Variants in CCDC148 observed in about 807,000 individuals in gnomAD.
CCDC148 encodes coiled-coil domain containing 148, also known as coiled-coil domain-containing protein 148.
A neutral mutation model predicts 85.7 loss-of-function variants in CCDC148; 89 were observed. That is an observed-to-expected ratio of 1.04 (90% CI 0.87 to 1.24). The LOEUF is 1.24. Ranked by LOEUF, CCDC148 falls within the 50% of genes most tolerant of loss-of-function variation. The pLI is 0.00. For missense variants in CCDC148, 692 were observed against 671.7 expected (o/e 1.03, Z -0.33); for synonymous variants, 230 against 213.9 (o/e 1.08, Z -0.66).
rs115837026 is a variant in CCDC148, at chr2:158,327,680, T to G, written c.764+11046A>C. ...TCTTTTCCTCAGAATTCTCCTAAAT[T>G]CAAATTCAGATTAATATTTTAATCC... On this transcript the variant is annotated intron_variant, in intron 7 of 13. Coordinates refer to ENST00000283233, the MANE Select transcript of CCDC148 (RefSeq NM_138803.4). Among the ~76,000 whole-genome samples the G allele has an allele frequency of 5.3e-3, 800 of 152,304 alleles. 3 individuals are homozygous for G. Among genetic ancestry groups the G allele is most frequent in the African/African-American group, 0.019 (772 of 41,572 alleles).
intron 1 of CCDC148, among the ~76,000 whole-genome samples, chr2:158,422,938 TAACA>T (rs1436583220): frequency 2.7e-5 from 4 of 150,478 alleles, no homozygotes; most frequent in South Asian, 4.2e-4. Flanking sequence ...TATACACCAA[TAACA>T]AACAGAGAGC....
intron 9 of CCDC148, among the ~76,000 whole-genome samples, chr2:158,297,599 GTTTTTAGTTGCA>G (rs1691251280): frequency 6.6e-6 from 1 of 152,176 alleles, no homozygotes; most frequent in African/African-American, 2.4e-5. Context: ...CTGTGTCAGA[GTTTTTAGTTGCA>G]CACAGCAGAA....
intron 10 of CCDC148, among the ~76,000 whole-genome samples, chr2:158,227,805 T>C (rs1368270428): frequency 6.6e-6 from 1 of 152,156 alleles, no homozygotes; most frequent in East Asian, 1.9e-4. Flanking sequence ...CAAAAATTAG[T>C]TCAAGATTGA....
chr2:158,207,398 T>C (rs1236383158), intron 11 of CCDC148: 1 of 152,226 alleles, frequency 6.6e-6, no homozygotes, highest in Non-Finnish European at 1.5e-5. Context: ...ATGCACATAA[T>C]TGTACCACTA....
intron 9 of CCDC148, among the ~76,000 whole-genome samples, chr2:158,281,058 A>G (rs1417987762): frequency 6.6e-6 from 1 of 152,222 alleles, no homozygotes; most frequent in Admixed American, 6.5e-5. Flanking sequence ...AGTCAGAAAT[A>G]AAGATGTTCT....
intron 7 of CCDC148, among the ~76,000 whole-genome samples, chr2:158,332,348 G>T (rs1693176271): frequency 6.6e-6 from 1 of 150,520 alleles, no homozygotes; most frequent in Non-Finnish European, 1.5e-5. Flanking sequence ...ACTGTCTTCT[G>T]GCTTGGAGAG....
intron 11 of CCDC148, among the ~76,000 whole-genome samples, chr2:158,210,830 G>A (rs565719900): frequency 1.3e-5 from 2 of 150,310 alleles, no homozygotes; most frequent in South Asian, 2.1e-4. Context: ...ATGGTAGCAG[G>A]TGCCCATAGT....
rs61612452 is a variant in CCDC148, at chr2:158,406,613, C to CTTTTT, written c.26-48048_26-48044dup. On this transcript the variant is annotated intron_variant, in intron 1 of 13. Coordinates refer to ENST00000283233, the MANE Select transcript of CCDC148 (RefSeq NM_138803.4). Reference sequence around the variant, plus strand: ...ACAGCCAGTTAAACAGATTAAATTTCTTTTTTTTTTTTTTTTTTTTTTTTT... The same window carrying CTTTTT: ...ACAGCCAGTTAAACAGATTAAATTTCTTTTTTTTTTTTTTTTTTTTTTTTTTTTTT... 7.9e-4 allele frequency among the ~76,000 whole-genome samples: 25 copies of CTTTTT among 31,454 alleles called. 1 individual carries two copies. Among genetic ancestry groups the CTTTTT allele is most frequent in the African/African-American group, 1.9e-3 (19 of 10,156 alleles). The allele number at this position is 31,454 out of a possible 152,430, so 20.6% of individuals were successfully genotyped here.
At chr2:158,247,038 T>C (rs1267234918) in intron 10 of CCDC148, among the ~76,000 whole-genome samples, 1 of 152,132 alleles carries the variant, frequency 6.6e-6, no homozygotes, top group African/African-American at 2.4e-5. Flanking sequence ...GCGTTTTAAA[T>C]TTCCATGGCA....
chr2:158,207,553 G>A (rs567608660), intron 11 of CCDC148: 5 of 152,274 alleles, frequency 3.3e-5, no homozygotes, highest in African/African-American at 1.2e-4. Context: ...ATTGACTTAA[G>A]ATCTGATGCA....
At chr2:158,230,267 C>T (rs953069118) in intron 10 of CCDC148, among the ~76,000 whole-genome samples, 39 of 152,292 alleles carry the variant, frequency 2.6e-4, no homozygotes, top group African/African-American at 8.9e-4. Context: ...ATATCACATG[C>T]TGTATTAACC....
At chr2:158,222,582 C>T (rs532820552) in intron 10 of CCDC148, among the ~76,000 whole-genome samples, 7 of 152,142 alleles carry the variant, frequency 4.6e-5, no homozygotes, top group African/African-American at 1.7e-4. Flanking sequence ...AAAACTATTT[C>T]CTTGTTTTCA....
intron 9 of CCDC148, among the ~76,000 whole-genome samples, chr2:158,278,810 G>T (rs2602196): frequency 6.6e-6 from 1 of 152,132 alleles, no homozygotes; most frequent in African/African-American, 2.4e-5. Flanking sequence ...ATCTGAGAAC[G>T]GGCAGACTGC....
At chr2:158,300,284 A>G (rs1409293496) in intron 9 of CCDC148, among the ~76,000 whole-genome samples, 18 of 152,230 alleles carry the variant, frequency 1.2e-4, no homozygotes. Context: ...CTTCACTTCA[A>G]CAAAAGTTAC....
intron 9 of CCDC148, among the ~76,000 whole-genome samples, chr2:158,295,919 A>T (rs1370184642): frequency 6.6e-6 from 1 of 152,136 alleles, no homozygotes; most frequent in Non-Finnish European, 1.5e-5. Context: ...CAATTAGGAA[A>T]AGAGGAAGTC....
intron 1 of CCDC148, among the ~76,000 whole-genome samples, chr2:158,439,435 T>C (rs1687832996): frequency 1.3e-5 from 2 of 151,920 alleles, no homozygotes; most frequent in African/African-American, 2.4e-5. Context: ...ATCAGAACAC[T>C]TGGACACAGG....
In CCDC148 at chr2:158,385,784, C is replaced by T. The variant is rs145016338; in HGVS notation, c.26-27214G>A. Among the ~76,000 whole-genome samples the T allele has an allele frequency of 4.2e-3, 637 of 152,252 alleles. 13 individuals carry two copies. Among genetic ancestry groups the T allele is most frequent in the East Asian group, 4.8e-3 (25 of 5,170 alleles). Reference sequence around the variant, plus strand: ...CTTCTTGGGGAGCCCCAGCCTTCTTCCTGGAATGTGAGGTGGCTTTTGGCA... The same window carrying T: ...CTTCTTGGGGAGCCCCAGCCTTCTTTCTGGAATGTGAGGTGGCTTTTGGCA... On this transcript the variant is annotated intron_variant, in intron 1 of 13. Transcript: ENST00000283233.
intron 9 of CCDC148, among the ~76,000 whole-genome samples, chr2:158,258,351 C>T (rs1229411237): frequency 6.6e-6 from 1 of 151,692 alleles, no homozygotes; most frequent in African/African-American, 2.4e-5. Context: ...TTTTATGTCA[C>T]CATCATTGAG....
chr2:158,406,322 G>C (rs1160946721), intron 1 of CCDC148, among the ~76,000 whole-genome samples: 3 of 152,100 alleles, frequency 2.0e-5, no homozygotes, highest in African/African-American at 7.2e-5. Context: ...TTAACACAGA[G>C]GGATGGCAAT....
Sources: gnomAD v4.1 joint callset for allele counts (sites outside exome capture counted in the v4.1 genomes callset) on GRCh38, gnomAD v4.1.1 for gene constraint, MANE v1.5 for transcripts, NCBI Gene and HGNC (gene_info 2026-07-23, HGNC 2026-07-21) for gene names.